PIK3C2A: variants seen among roughly 807,000 people sequenced by gnomAD.
PIK3C2A encodes the protein phosphatidylinositol 4-phosphate 3-kinase C2 domain-containing subunit alpha.
A neutral mutation model predicts 204.5 loss-of-function variants in PIK3C2A; 97 were observed. The observed-to-expected ratio is 0.47, with a 90% CI of 0.40 to 0.56. The LOEUF is 0.56. PIK3C2A is among the 20% of genes least tolerant of loss of function. The pLI is 0.00. For missense variants in PIK3C2A, 1,735 were observed against 1,969.2 expected, an observed-to-expected ratio of 0.88 and a Z score of 2.25; for synonymous variants, 653 against 664.4, an observed-to-expected ratio of 0.98 and a Z score of 0.26.
At chr11:17,124,446 C>T (rs1849456372) in intron 13 of PIK3C2A, among the ~76,000 whole-genome samples, 1 of 150,572 alleles carries the variant, frequency 6.6e-6, no homozygotes, top group African/African-American at 2.5e-5. Flanking sequence ...CTAACACTTG[C>T]ATTTGGATGT....
intron 1 of PIK3C2A, among the ~76,000 whole-genome samples, chr11:17,174,537 T>C (rs1590995810): frequency 2.0e-5 from 1 of 49,316 alleles, no homozygotes; most frequent in Non-Finnish European, 3.7e-5. Context: ...GAGCTTGCAG[T>C]GAGCCGAGAT....
chr11:17,173,439 C>T (rs1851242074), intron 1 of PIK3C2A, among the ~76,000 whole-genome samples: 1 of 152,178 alleles, frequency 6.6e-6, no homozygotes, highest in African/African-American at 2.4e-5. Flanking sequence ...TTTGTCACCA[C>T]TTGAGGAGAT....
chr11:17,114,398 A>G lies in PIK3C2A; in HGVS notation c.3284T>C (p.Leu1095Pro), dbSNP rs1849109425. ...FFQKNKCRLP[L>P]KPSLVAKELN... ...TTCTTTTGCCACTAGACTTGGCTTG[A>G]GAGGGAGACGGCATTTATTTTTCTG... is the stretch of plus-strand genomic sequence containing the variant. The change falls in exon 20 of 33, where the codon CTC (leucine) becomes CCC (proline). Residue 1095 changes from leucine to proline, a missense_variant. Around this residue, in one of 6 missense-constraint regions of PIK3C2A, gnomAD observed 567 missense variants for 576.0 expected, o/e 0.98. Coordinates refer to ENST00000691414, the MANE Select transcript of PIK3C2A (RefSeq NM_002645.4). 1 of 1,588,086 alleles carries G rather than the reference A, an allele frequency of 6.3e-7. No individual in the cohort carries two copies. The highest frequency in any genetic ancestry group is 8.6e-7 in the Non-Finnish European group (1 of 1,156,478).
At chr11:17,189,759 G>A (rs1046084578) in intron 1 of PIK3C2A, among the ~76,000 whole-genome samples, 1 of 139,662 alleles carries the variant, frequency 7.2e-6, no homozygotes, top group Non-Finnish European at 1.5e-5. Context: ...TAAAAAGTGA[G>A]CTGAAATTGA....
intron 2 of PIK3C2A, among the ~76,000 whole-genome samples, chr11:17,159,817 T>C (rs535223307): frequency 1.4e-4 from 21 of 152,232 alleles, no homozygotes; most frequent in African/African-American, 4.8e-4. Context: ...AGGAGAGCAA[T>C]GGTGCAGTTG....
intron 28 of PIK3C2A, among the ~76,000 whole-genome samples, chr11:17,092,771 G>A (rs1375968131): frequency 6.6e-6 from 1 of 152,216 alleles, no homozygotes; most frequent in Non-Finnish European, 1.5e-5. Flanking sequence ...AAAGGTGTAT[G>A]TGTTGATTTC....
intron 20 of PIK3C2A, 82 bp downstream of exon 20, chr11:17,114,279 T>C (rs539220585): frequency 8.3e-6 from 6 of 727,062 alleles, no homozygotes; most frequent in African/African-American, 3.5e-5. Context: ...TTACCTTCAT[T>C]TGCCTTAAGC....
chr11:17,128,586 C>T (rs1008051680), intron 13 of PIK3C2A, among the ~76,000 whole-genome samples: 3 of 152,214 alleles, frequency 2.0e-5, no homozygotes, highest in Non-Finnish European at 4.4e-5. Flanking sequence ...CTCCAGAATG[C>T]ACCCATGTGC....
In PIK3C2A at chr11:17,089,667, C is replaced by G. The variant is rs199758636; in HGVS notation, c.*71G>C. 65 of 816,896 alleles carry G rather than the reference C, an allele frequency of 8.0e-5. No individual in the cohort carries two copies. Among genetic ancestry groups the G allele is most frequent in the Middle Eastern group, 2.5e-4 (1 of 3,964 alleles). The allele number at this position is 816,896 out of a possible 1,614,324, so 50.6% of individuals were successfully genotyped here. ...AATTAACAAGTGTGTGTGTGTGTGT[C>G]TGTGTGTGTGTGCATGTATGCATGC... On this transcript the variant is annotated 3_prime_UTR_variant, in exon 33 of 33. Coordinates refer to ENST00000691414, the MANE Select transcript of PIK3C2A (RefSeq NM_002645.4).
At chr11:17,183,717 T>G (rs1483585608) in intron 1 of PIK3C2A, among the ~76,000 whole-genome samples, 1 of 151,890 alleles carries the variant, frequency 6.6e-6, no homozygotes, top group Non-Finnish European at 1.5e-5. Context: ...TATCGTAAGT[T>G]ATGTACATAT....
At chr11:17,111,720 T>TA (rs1338178207) in intron 21 of PIK3C2A, among the ~76,000 whole-genome samples, 2 of 150,274 alleles carry the variant, frequency 1.3e-5, no homozygotes, top group Admixed American at 6.6e-5. Context: ...GTACTAAAAA[T>TA]AAAAAAATTA....
intron 26 of PIK3C2A, among the ~76,000 whole-genome samples, chr11:17,098,313 G>A (rs1400540108): frequency 6.6e-6 from 1 of 152,184 alleles, no homozygotes; most frequent in Non-Finnish European, 1.5e-5. Context: ...GCCATAAACA[G>A]TAGAGCCCTA....
Position 17,101,169 on chromosome 11 carries a change from T to C in PIK3C2A, c.4008+109A>G, listed in dbSNP as rs1230802804. ...ATCTGAGCAATAATGTATCTGACATTTGTGACTAAAGCAAATTTTATTCCA... is the reference window on the plus strand; with the variant it reads ...ATCTGAGCAATAATGTATCTGACATCTGTGACTAAAGCAAATTTTATTCCA... On this transcript the variant is annotated intron_variant, in intron 25 of 32. Transcript: ENST00000691414. The C allele has an allele frequency of 4.7e-6, 3 of 644,822 alleles. No individual in the cohort carries two copies. The Admixed American group carries it at 8.0e-5, about 17-fold the overall frequency. The allele number at this position is 644,822 out of a possible 1,614,324, so 39.9% of individuals were successfully genotyped here. A position where few individuals can be genotyped will look rare whatever the true frequency, so the allele number is the denominator to read the frequency against.
chr11:17,090,735 A>C (rs571470050), intron 32 of PIK3C2A, among the ~76,000 whole-genome samples: 36 of 151,898 alleles, frequency 2.4e-4, no homozygotes, highest in East Asian at 1.5e-3. Flanking sequence ...ATACCTAAAA[A>C]CTTAAAATTT....
In PIK3C2A at chr11:17,101,286, G is replaced by C. The variant is rs767398216; in HGVS notation, c.4000C>G (p.Leu1334Val). ...RKQTNLFLNL[L>V]SLMIPSGLPE... Reference sequence around the variant, plus strand: ...TTATAAAGAATAGTTACCAGTGAAAGGAGGTTAAGAAAAAGGTTTGTCTGC... The same window carrying C: ...TTATAAAGAATAGTTACCAGTGAAACGAGGTTAAGAAAAAGGTTTGTCTGC... Residue 1334 changes from leucine (L) to valine (V), a missense_variant, in exon 25 of 33, where the codon CTT becomes GTT. Physicochemically the swap from Leu to Val is conservative, Grantham distance 32. This residue lies in a region of PIK3C2A where 503 missense variants were observed against 669.0 expected (regional missense o/e 0.75). Coordinates refer to ENST00000691414, the MANE Select transcript of PIK3C2A (RefSeq NM_002645.4). 6.5e-7 allele frequency: 1 copy of C among 1,537,264 alleles called. No individual in the cohort carries two copies. Among genetic ancestry groups the C allele is most frequent in the Non-Finnish European group, 8.9e-7 (1 of 1,126,174 alleles).
intron 2 of PIK3C2A, among the ~76,000 whole-genome samples, chr11:17,156,056 T>C (rs925167354): frequency 3.3e-5 from 5 of 152,192 alleles, no homozygotes; most frequent in African/African-American, 9.6e-5. Context: ...CCAAGAAAGA[T>C]GGTTTTTTAT....
chr11:17,174,369 C>CTT (rs771893426), intron 1 of PIK3C2A, among the ~76,000 whole-genome samples: 1 of 79,488 alleles, frequency 1.3e-5, no homozygotes, highest in Admixed American at 1.4e-4. Flanking sequence ...GGGCGGATCA[C>CTT]GAGGTCAGGA....
intron 8 of PIK3C2A, among the ~76,000 whole-genome samples, chr11:17,142,347 TG>T (rs1462774083): frequency 6.6e-6 from 1 of 152,104 alleles, no homozygotes; most frequent in Non-Finnish European, 1.5e-5. Context: ...AACTGAGCCC[TG>T]GGGATATGCT....
Position 17,189,812 on chromosome 11 carries a change from C to CAAA in PIK3C2A, c.-66+18033_-66+18035dup, listed in dbSNP as rs759869051. 8.2e-3 allele frequency among the ~76,000 whole-genome samples: 491 copies of CAAA among 60,168 alleles called. 19 individuals carry two copies. Among genetic ancestry groups the CAAA allele is most frequent in the East Asian group, 0.043 (45 of 1,042 alleles). 39.5% of individuals were successfully genotyped at this position (60,168 alleles called of 152,430 possible). On this transcript the variant is annotated intron_variant, in intron 1 of 32. Transcript: ENST00000691414. Reference sequence around the variant, plus strand: ...TGGGTCACAGAGTGAGGCTCTGTCTCAAAAAAAAAAAAAAAAAAAAAAAAG... The same window carrying CAAA: ...TGGGTCACAGAGTGAGGCTCTGTCTCAAAAAAAAAAAAAAAAAAAAAAAAAAAG...
Sources: allele counts gnomAD v4.1 joint callset (sites outside exome capture counted in the v4.1 genomes callset), GRCh38; gene constraint gnomAD v4.1.1; regional missense constraint gnomAD v4.1.1; transcripts MANE v1.5; gene names NCBI Gene and HGNC (gene_info 2026-07-23, HGNC 2026-07-21).